Variants in ABLIM1 observed in about 807,000 individuals in gnomAD.
ABLIM1 encodes actin binding LIM protein 1, also known as actin-binding LIM protein 1.
A neutral mutation model predicts 107.0 loss-of-function variants in ABLIM1; 40 were observed. The observed-to-expected ratio is 0.37, with a 90% CI of 0.29 to 0.49. The LOEUF (loss-of-function observed/expected upper bound fraction) is 0.49, where lower values mean the gene tolerates loss of function less well. Ranked by LOEUF, ABLIM1 falls within the 20% of genes least tolerant of loss-of-function variation. ABLIM1 has a pLI of 0.97. For synonymous variants in ABLIM1, 357 were observed against 357.3 expected (o/e 1.00, Z 0.01); for missense variants, 857 against 1,008.5 (o/e 0.85, Z 2.04).
At chr10:114,607,288 C>T (rs2076483659) in intron 1 of ABLIM1, among the ~76,000 whole-genome samples, 1 of 152,208 alleles carries the variant, frequency 6.6e-6, no homozygotes, top group African/African-American at 2.4e-5. Context: ...TCTCCATCAC[C>T]TGACCTCGTG....
chr10:114,624,155 A>G (rs2077643315), intron 1 of ABLIM1, among the ~76,000 whole-genome samples: 1 of 152,328 alleles, frequency 6.6e-6, no homozygotes, highest in Admixed American at 6.5e-5. Flanking sequence ...ATCAAACTCA[A>G]CCACAATGGG....
At chr10:114,613,496 T>A (rs2076944980) in intron 1 of ABLIM1, among the ~76,000 whole-genome samples, 1 of 152,194 alleles carries the variant, frequency 6.6e-6, no homozygotes, top group African/African-American at 2.4e-5. Flanking sequence ...TTGTTAAACA[T>A]TTACCGGCAC....
At chr10:114,745,000 G>C (rs79448059) in intron 1 of ABLIM1, among the ~76,000 whole-genome samples, 1,720 of 152,178 alleles carry the variant, frequency 0.011, 28 homozygotes, top group African/African-American at 0.038. Context: ...CCTCTCCCCA[G>C]ATAGGGAGAA....
chr10:114,572,882 C>T (rs1006277989), intron 3 of ABLIM1, among the ~76,000 whole-genome samples: 1 of 152,212 alleles, frequency 6.6e-6, no homozygotes, highest in Non-Finnish European at 1.5e-5. Context: ...ACTCGTGCTC[C>T]GTGGCTGACC....
chr10:114,615,345 T>C (rs983987965), intron 1 of ABLIM1, among the ~76,000 whole-genome samples: 2 of 152,138 alleles, frequency 1.3e-5, no homozygotes, highest in African/African-American at 2.4e-5. Context: ...CAGAAGGCTC[T>C]TCCCCAGCTG....
intron 1 of ABLIM1, among the ~76,000 whole-genome samples, chr10:114,623,918 C>T (rs1334338769): frequency 6.6e-6 from 1 of 152,214 alleles, no homozygotes; most frequent in African/African-American, 2.4e-5. Context: ...CCAGGGGACA[C>T]TGGACCATAA....
chr10:114,657,387 G>T (rs527396106), intron 1 of ABLIM1, among the ~76,000 whole-genome samples: 1 of 152,232 alleles, frequency 6.6e-6, no homozygotes, highest in Non-Finnish European at 1.5e-5. Flanking sequence ...CCTCAGAGTG[G>T]GCCTTCTCCA....
At chr10:114,649,472 G>T (rs948589540) in intron 1 of ABLIM1, among the ~76,000 whole-genome samples, 1 of 151,346 alleles carries the variant, frequency 6.6e-6, no homozygotes, top group Non-Finnish European at 1.5e-5. Flanking sequence ...GATATCAAAG[G>T]TTTATTTCTA....
At position 114,622,062 on chromosome 10, in the gene ABLIM1, T is replaced by C. The variant is rs558559222; in HGVS notation, c.245-20101A>G. On this transcript the variant is annotated intron_variant, in intron 1 of 22. Transcript: ENST00000533213. The stretch of plus-strand genomic sequence containing the variant: ...CAGAAGGTGTCCCTCAAGTGGCACA[T>C]GGCAGCAGTCCAGTAGACACCCACC... Among the ~76,000 whole-genome samples the C allele has an allele frequency of 1.7e-3, 264 of 152,244 alleles. 1 individual carries two copies. The highest frequency in any genetic ancestry group is 6.2e-3 in the African/African-American group (257 of 41,564).
intron 1 of ABLIM1, among the ~76,000 whole-genome samples, chr10:114,644,540 G>A (rs889729419): frequency 2.0e-5 from 3 of 151,560 alleles, no homozygotes; most frequent in East Asian, 1.9e-4. Context: ...TTCATTGCTC[G>A]TCTGTCCCTG....
chr10:114,532,433 G>A lies in ABLIM1; in HGVS notation c.894+12572C>T, dbSNP rs373088581. 1.9e-4 allele frequency among the ~76,000 whole-genome samples: 29 copies of A among 152,196 alleles called. 1 individual carries two copies. Among genetic ancestry groups the A allele is most frequent in the Admixed American group, 7.9e-4 (12 of 15,282 alleles). On this transcript the variant is annotated intron_variant, in intron 6 of 22. Transcript: ENST00000533213. ...GGAATTGGCATCATATCCTCCCCAA[G>A]GCGGGAAGCCACGAGGTCCAGGAAG...
intron 2 of ABLIM1, chr10:114,601,552 C>A (rs151067524): frequency 0.014 from 6,734 of 494,508 alleles, 111 homozygotes; most frequent in South Asian, 0.042. Context: ...AGGCGTGAGC[C>A]GGCCTTTTTA....
chr10:114,547,605 G>T, intron 5 of ABLIM1, 45 bp downstream of exon 5: 1 of 1,608,810 alleles, frequency 6.2e-7, no homozygotes, highest in Non-Finnish European at 8.5e-7. Flanking sequence ...GAACCACAAC[G>T]CCCGGTGCCC....
At chr10:114,443,935 T>C (rs1376188795) in intron 17 of ABLIM1, 94 bp downstream of exon 17, 1 of 996,774 alleles carries the variant, frequency 1.0e-6, no homozygotes, top group Non-Finnish European at 1.5e-6. Flanking sequence ...TGGAATACTC[T>C]GTAGGTTCCA....
At chr10:114,785,601 A>G in the ABLIM1 span, among the ~76,000 whole-genome samples, 3 of 152,140 alleles carry the variant, frequency 2.0e-5, no homozygotes, top group African/African-American at 7.2e-5. Flanking sequence ...ACATAATTCT[A>G]TATTATTCAT....
upstream of ABLIM1, among the ~76,000 whole-genome samples, chr10:114,660,108 C>G (rs576907798): frequency 9.8e-5 from 15 of 152,300 alleles, no homozygotes; most frequent in Admixed American, 2.0e-4. Context: ...CATGGGACTT[C>G]TACCACTACT....
intron 6 of ABLIM1, among the ~76,000 whole-genome samples, chr10:114,493,431 A>G (rs1033088303): frequency 2.0e-5 from 3 of 152,236 alleles, no homozygotes; most frequent in Admixed American, 6.5e-5. Flanking sequence ...AAGTGTATTT[A>G]TCATATTTAG....
At chr10:114,565,642 G>T (rs2070565800) in intron 4 of ABLIM1, among the ~76,000 whole-genome samples, 1 of 151,920 alleles carries the variant, frequency 6.6e-6, no homozygotes, top group African/African-American at 2.4e-5. Flanking sequence ...ACCTGACAAT[G>T]ATTTTTTTTT....
At chr10:114,798,584 A>T in the ABLIM1 span, among the ~76,000 whole-genome samples, 246 of 137,390 alleles carry the variant, frequency 1.8e-3, 2 homozygotes, top group African/African-American at 6.2e-3. Context: ...CAAAAATTTA[A>T]AAAAAAAATT....
Sources: gnomAD v4.1 joint callset for allele counts (sites outside exome capture counted in the v4.1 genomes callset) on GRCh38, gnomAD v4.1.1 for gene constraint, MANE v1.5 for transcripts, NCBI Gene and HGNC (gene_info 2026-07-23, HGNC 2026-07-21) for gene names.